The following DHRS4L2 variants were observed in gnomAD, a reference collection of about 807,000 sequenced individuals.
DHRS4L2 encodes dehydrogenase/reductase SDR family member 4-like 2.
Under a neutral mutation model 23.9 loss-of-function variants are expected in DHRS4L2, and 22 were observed. The ratio of observed to expected loss-of-function variants is 0.92; its 90% CI spans 0.66 to 1.31. The LOEUF (loss-of-function observed/expected upper bound fraction) is 1.31. Among genes scored for constraint, DHRS4L2 ranks in the 40% most tolerant of loss-of-function variants. DHRS4L2 has a pLI of 0.00. For synonymous variants in DHRS4L2, 141 were observed against 123.7 expected (o/e 1.14, Z -0.93); for missense variants, 385 against 303.3 (o/e 1.27, Z -2.00).
chr14:24,005,363 T>A (rs891323126), intron 7 of DHRS4L2, among the ~76,000 whole-genome samples: 29 of 150,882 alleles, frequency 1.9e-4, no homozygotes, highest in Admixed American at 2.6e-4. Context: ...GGCAGGGAGA[T>A]TAAAGTGTCT....
chr14:23,980,990 T>A (rs550551270), intron 1 of DHRS4L2, among the ~76,000 whole-genome samples: 166 of 151,816 alleles, frequency 1.1e-3, no homozygotes, highest in Admixed American at 2.3e-3. Flanking sequence ...TAAAGGGTAT[T>A]CAATTAGGAA....
upstream of DHRS4L2, among the ~76,000 whole-genome samples, chr14:23,987,670 ACACAC>A (rs2034179377): frequency 6.6e-6 from 1 of 151,724 alleles, no homozygotes; most frequent in Admixed American, 6.6e-5. Context: ...TAACACACAC[ACACAC>A]AAAAAGAAGG....
rs541874334 is a variant in DHRS4L2 at position 23,973,344 on chromosome 14, C to A, written c.-176+3012C>A. On this transcript the variant is annotated intron_variant, in intron 1 of 5. Coordinates refer to the DHRS4L2 transcript ENST00000534993. Reference sequence around the variant, plus strand: ...CTGGCCTGCAAGTGCTGCGCACAGCCCCAGTTCCCGCCCATGCCTCTCCCT... The same window carrying A: ...CTGGCCTGCAAGTGCTGCGCACAGCACCAGTTCCCGCCCATGCCTCTCCCT... Among the ~76,000 whole-genome samples the A allele has an allele frequency of 1.5e-3, 224 of 152,086 alleles. 5 individuals carry two copies. Among genetic ancestry groups the A allele is most frequent in the Non-Finnish European group, 2.4e-3 (162 of 68,014 alleles).
chr14:23,992,638 C>G (rs1434058357), intron 2 of DHRS4L2, among the ~76,000 whole-genome samples: 1 of 151,306 alleles, frequency 6.6e-6, no homozygotes, highest in Non-Finnish European at 1.5e-5. Context: ...CAGCTCCTAA[C>G]CGCTTTAGTG....
Position 23,991,006 on chromosome 14 carries a change from T to C in DHRS4L2, c.306+647T>C, listed in dbSNP as rs903842868. 2.7e-5 allele frequency: 15 copies of C among 558,784 alleles called. No homozygotes were observed. The African/African-American group carries it at 3.1e-4, about 11-fold the overall frequency. The allele number at this position is 558,784 out of a possible 1,614,324, so 34.6% of individuals were successfully genotyped here. A position where few individuals can be genotyped will look rare whatever the true frequency, so the allele number is the denominator to read the frequency against. The stretch of plus-strand genomic sequence containing the variant: ...CATAAGTCAATGTCATAATTAGTAG[T>C]GGACAACAGCCTTGCAGCTGCTGAA... On this transcript the variant is annotated intron_variant, in intron 2 of 7. Transcript: ENST00000335125.
chr14:23,984,957 T>C (rs1179239281), upstream of DHRS4L2, among the ~76,000 whole-genome samples: 9 of 151,610 alleles, frequency 5.9e-5, no homozygotes, highest in African/African-American at 2.2e-4. Flanking sequence ...CCTGAGCTTC[T>C]ATACCCCTTC....
chr14:23,993,543 G>A (rs532800049), intron 2 of DHRS4L2, among the ~76,000 whole-genome samples: 9 of 151,678 alleles, frequency 5.9e-5, no homozygotes, highest in East Asian at 1.9e-4. Flanking sequence ...TGCCAGTTCC[G>A]GGCAAATGCA....
intron 1 of DHRS4L2, among the ~76,000 whole-genome samples, chr14:23,982,928 C>T (rs563627805): frequency 3.3e-5 from 5 of 151,426 alleles, no homozygotes; most frequent in Admixed American, 1.3e-4. Flanking sequence ...CCATAAAAAC[C>T]CTAGAAGAAA....
intron 7 of DHRS4L2, 111 bp from the exon 8 acceptor site, chr14:24,005,775 G>A (rs1180199364): frequency 1.3e-6 from 2 of 1,545,500 alleles, no homozygotes; most frequent in Non-Finnish European, 1.7e-6. Flanking sequence ...CACTGATCCT[G>A]AAAAGTCATC....
rs2332160 is a variant in DHRS4L2 at position 23,970,563 on chromosome 14, G to A, written c.-176+231G>A. Among the ~76,000 whole-genome samples the A allele has an allele frequency of 4.6e-3, 690 of 149,216 alleles. 6 individuals carry two copies. The highest frequency in any genetic ancestry group is 0.013 in the African/African-American group (494 of 38,872). ...AGGGCATATCTGAACAAAAGGCAGC[G>A]GACAGCTTCTGCAGACTTCAGTGTC... On this transcript the variant is annotated intron_variant, in intron 1 of 5. Transcript: ENST00000534993.
intron 1 of DHRS4L2, among the ~76,000 whole-genome samples, chr14:23,978,014 C>T (rs1413702403): frequency 6.6e-6 from 1 of 151,648 alleles, no homozygotes; most frequent in South Asian, 2.1e-4. Flanking sequence ...ATGCTGACTG[C>T]ATTCCTTTGG....
At chr14:23,999,453 G>T (rs2034448200) in intron 3 of DHRS4L2, among the ~76,000 whole-genome samples, 1 of 147,916 alleles carries the variant, frequency 6.8e-6, no homozygotes, top group Admixed American at 6.8e-5. Flanking sequence ...ATCACAGTAT[G>T]TCAAATCCAA....
chr14:23,990,598 AT>A (rs2034250149), intron 2 of DHRS4L2, among the ~76,000 whole-genome samples: 1 of 151,406 alleles, frequency 6.6e-6, no homozygotes, highest in African/African-American at 2.4e-5. Context: ...TTCTGCAGTA[AT>A]TTTCAATCTA....
rs376416180 is a variant in DHRS4L2 at position 23,990,270 on chromosome 14, G to A, written c.217G>A (p.Val73Met). 3.7e-5 allele frequency: 59 copies of A among 1,612,562 alleles called. 2 individuals are homozygous for A. Among genetic ancestry groups the A allele is most frequent in the Non-Finnish European group, 4.8e-5 (57 of 1,179,308 alleles). ...GAAGCAGCAGAATGTGGACCAGGCG[G>A]TGGCCACGCTGCAGGGGGAGGGGCT... ...SRKQQNVDQA[V>M]ATLQGEGLSV... The change falls in exon 2 of 8, where the codon GTG becomes ATG. Residue 73 changes from valine to methionine, a missense_variant. Val to Met is a conservative substitution (Grantham distance 21). Coordinates refer to ENST00000335125, the MANE Select transcript of DHRS4L2 (RefSeq NM_198083.4).
rs1594479979 is a variant in DHRS4L2, at chr14:24,004,501, C to G, written c.*22+109C>G. The G allele has an allele frequency of 1.2e-5, 16 of 1,319,480 alleles. 1 individual carries two copies. Among genetic ancestry groups the G allele is most frequent in the Non-Finnish European group, 1.6e-5 (15 of 948,604 alleles). The allele number at this position is 1,319,480 out of a possible 1,614,324, so 81.7% of individuals were successfully genotyped here. A position where few individuals can be genotyped will look rare whatever the true frequency, so the allele number is the denominator to read the frequency against. ...GTCCCACAGATAACACAGGCAGGCT[C>G]TCTTCTGCCTCACAGACCACGAATT... is the stretch of plus-strand genomic sequence containing the variant. On this transcript the variant is annotated intron_variant, in intron 7 of 7. Coordinates refer to ENST00000335125, the MANE Select transcript of DHRS4L2 (RefSeq NM_198083.4).
chr14:23,969,931 G>T (rs1158904575), exon 1 of DHRS4L2: 7 of 450,086 alleles, frequency 1.6e-5, no homozygotes, highest in Non-Finnish European at 2.7e-5. Context: ...AAGGCCCGGT[G>T]GGGGGAGGGG....
chr14:24,001,312 C>G, intron 5 of DHRS4L2, 72 bp from the exon 6 acceptor site: 2 of 1,579,414 alleles, frequency 1.3e-6, no homozygotes, highest in Non-Finnish European at 1.7e-6. Context: ...GAGCACTGCC[C>G]TCTATGTCTA....
chr14:23,994,118 G>C (rs2034326980), intron 2 of DHRS4L2, among the ~76,000 whole-genome samples: 1 of 151,764 alleles, frequency 6.6e-6, no homozygotes, highest in Admixed American at 6.6e-5. Flanking sequence ...GGCCCCTCCA[G>C]GGTAACTTTC....
intron 3 of DHRS4L2, among the ~76,000 whole-genome samples, chr14:23,995,979 A>C (rs1347203416): frequency 6.6e-6 from 1 of 151,824 alleles, no homozygotes; most frequent in Non-Finnish European, 1.5e-5. Context: ...AGACTGTACA[A>C]GAAGCATGGT....
Sources: gnomAD v4.1 joint callset for allele counts (sites outside exome capture counted in the v4.1 genomes callset) on GRCh38, gnomAD v4.1.1 for gene constraint, MANE v1.5 for transcripts, NCBI Gene and HGNC (gene_info 2026-07-23, HGNC 2026-07-21) for gene names.